UGT1A10: variants seen among roughly 807,000 people sequenced by gnomAD.
UGT1A10 encodes the protein UDP glucuronosyltransferase family 1 member A10, also known as UDP-glucuronosyltransferase 1A10.
A neutral mutation model predicts 45.8 loss-of-function variants in UGT1A10; 49 were observed. That is an observed-to-expected ratio of 1.07 (90% confidence interval 0.85 to 1.36). UGT1A10 has a LOEUF of 1.36. Among genes scored for constraint, UGT1A10 ranks in the 40% most tolerant of loss-of-function variants. UGT1A10 has a pLI of 0.00. For synonymous variants in UGT1A10, 284 were observed against 249.7 expected, an observed-to-expected ratio of 1.14 and a Z score of -1.29; for missense variants, 745 against 668.6, an observed-to-expected ratio of 1.11 and a Z score of -1.26.
At chr2:233,649,155 T>A in intron 1 of UGT1A10, 1 of 529,170 alleles carries the variant, frequency 1.9e-6, no homozygotes, top group Non-Finnish European at 2.8e-6. Context: ...TAAAAAATTA[T>A]TTTGTGCCAT....
intron 1 of UGT1A10, among the ~76,000 whole-genome samples, chr2:233,676,599 C>T (rs566895330): frequency 6.6e-6 from 1 of 152,138 alleles, no homozygotes; most frequent in Non-Finnish European, 1.5e-5. Flanking sequence ...CATCATGTCT[C>T]CTTTGTCTCC....
intron 1 of UGT1A10, among the ~76,000 whole-genome samples, chr2:233,644,313 A>G (rs1313198700): frequency 1.3e-5 from 2 of 152,198 alleles, no homozygotes; most frequent in African/African-American, 4.8e-5. Context: ...CATGCCTGTA[A>G]TCCCAGCACT....
intron 1 of UGT1A10, among the ~76,000 whole-genome samples, chr2:233,650,774 T>TG (rs2073718437): frequency 7.2e-5 from 11 of 152,236 alleles, no homozygotes; most frequent in Admixed American, 7.2e-4. Context: ...TCAAACTAGA[T>TG]CCTATTCAGA....
chr2:233,718,871 G>A (rs1468501233), intron 1 of UGT1A10: 3 of 1,613,900 alleles, frequency 1.9e-6, no homozygotes, highest in Non-Finnish European at 2.5e-6. Context: ...CAGGACTGCT[G>A]CTCCTCCTCA....
chr2:233,651,011 T>C (rs777367981), intron 1 of UGT1A10, among the ~76,000 whole-genome samples: 30 of 152,202 alleles, frequency 2.0e-4, no homozygotes, highest in Non-Finnish European at 3.7e-4. Context: ...TGGTAAAGGA[T>C]TGACTTTTAG....
intron 1 of UGT1A10, chr2:233,713,988 T>C (rs1034090068): frequency 1.1e-5 from 18 of 1,575,780 alleles, no homozygotes; most frequent in Non-Finnish European, 1.5e-5. Flanking sequence ...ATTGTTGTAA[T>C]AGTCTTCAGT....
intron 1 of UGT1A10, among the ~76,000 whole-genome samples, chr2:233,670,319 G>A (rs889806917): frequency 1.3e-5 from 2 of 152,148 alleles, no homozygotes; most frequent in African/African-American, 4.8e-5. Flanking sequence ...GAAGAAGGAG[G>A]AGAGACAGGT....
chr2:233,746,864 A>G (rs1693495912), intron 1 of UGT1A10, among the ~76,000 whole-genome samples: 1 of 151,076 alleles, frequency 6.6e-6, no homozygotes, highest in South Asian at 2.1e-4. Flanking sequence ...CTGCAGCCTG[A>G]TAAACGTGGT....
intron 1 of UGT1A10, among the ~76,000 whole-genome samples, chr2:233,700,669 C>T (rs542466137): frequency 1.3e-5 from 2 of 151,964 alleles, no homozygotes; most frequent in Admixed American, 1.3e-4. Flanking sequence ...CTTTTCAGCA[C>T]AAATTCGTGA....
At chr2:233,704,907 G>T (rs1235978243) in intron 1 of UGT1A10, among the ~76,000 whole-genome samples, 1 of 152,152 alleles carries the variant, frequency 6.6e-6, no homozygotes, top group Admixed American at 6.5e-5. Context: ...GCTGAGGCAG[G>T]TGGATCACCT....
At chr2:233,715,538 G>A (rs1209390952) in intron 1 of UGT1A10, among the ~76,000 whole-genome samples, 6 of 152,096 alleles carry the variant, frequency 3.9e-5, no homozygotes, top group South Asian at 2.1e-4. Flanking sequence ...TTGGGAGACC[G>A]AGGGAGGAGG....
chr2:233,666,861 C>T (rs2074088356), intron 1 of UGT1A10, among the ~76,000 whole-genome samples: 1 of 148,776 alleles, frequency 6.7e-6, no homozygotes. Flanking sequence ...CATGTGTTCT[C>T]ATTGTTCAAT....
intron 1 of UGT1A10, among the ~76,000 whole-genome samples, chr2:233,766,438 G>A (rs1233276669): frequency 2.6e-5 from 4 of 152,194 alleles, no homozygotes; most frequent in Non-Finnish European, 5.9e-5. Flanking sequence ...AGCTACCTGT[G>A]TGTCTGCCTG....
Position 233,648,099 on chromosome 2 carries a change from G to A in UGT1A10, c.855+10722G>A, listed in dbSNP as rs557703717. 73 of 1,492,666 alleles carry A rather than the reference G, an allele frequency of 4.9e-5. No individual in the cohort carries two copies. The East Asian group carries it at 6.9e-4, about 14-fold the overall frequency. The allele number at this position is 1,492,666 out of a possible 1,614,324, so 92.5% of individuals were successfully genotyped here. Reference sequence around the variant, plus strand: ...TATACACCCTGGAGGATCTGGACCAGGAGTTCATGGCTTTTGCCAATGCTC... The same window carrying A: ...TATACACCCTGGAGGATCTGGACCAAGAGTTCATGGCTTTTGCCAATGCTC... On this transcript the variant is annotated intron_variant, in intron 1 of 4. Coordinates refer to ENST00000344644, the MANE Select transcript of UGT1A10 (RefSeq NM_019075.4).
At chr2:233,670,558 CT>C (rs139582139) in intron 1 of UGT1A10, among the ~76,000 whole-genome samples, 4,536 of 152,284 alleles carry the variant, frequency 0.03, 211 homozygotes, top group African/African-American at 0.1. Flanking sequence ...GGCATGGCTT[CT>C]TCTATGTCTT....
At chr2:233,772,139 G>C in intron 4 of UGT1A10, 123 bp from the exon 5 acceptor site, 1 of 1,548,574 alleles carries the variant, frequency 6.5e-7, no homozygotes, top group Non-Finnish European at 8.7e-7. Context: ...AACAATAATA[G>C]AAACAGGTTT....
chr2:233,684,425 C>G (rs2074679890), intron 1 of UGT1A10, among the ~76,000 whole-genome samples: 1 of 152,212 alleles, frequency 6.6e-6, no homozygotes, highest in African/African-American at 2.4e-5. Flanking sequence ...GCCTCACCCT[C>G]TAGCCAAGTG....
chr2:233,666,321 C>G (rs1226202212), intron 1 of UGT1A10, among the ~76,000 whole-genome samples: 4 of 152,202 alleles, frequency 2.6e-5, no homozygotes, highest in African/African-American at 9.6e-5. Flanking sequence ...AATTTCAACA[C>G]TTGATTTGGG....
intron 1 of UGT1A10, among the ~76,000 whole-genome samples, chr2:233,664,406 T>C (rs936716616): frequency 2.0e-5 from 3 of 152,180 alleles, no homozygotes; most frequent in Non-Finnish European, 4.4e-5. Context: ...TTGGTACCAA[T>C]TTTCTACCCT....
Sources: gnomAD v4.1 joint callset for allele counts (sites outside exome capture counted in the v4.1 genomes callset) on GRCh38, gnomAD v4.1.1 for gene constraint, MANE v1.5 for transcripts, NCBI Gene and HGNC (gene_info 2026-07-23, HGNC 2026-07-21) for gene names.